Variants in TEN1 observed in about 807,000 individuals in gnomAD.
The protein encoded by TEN1 is TEN1 subunit of CST complex, also known as CST complex subunit TEN1.
A neutral mutation model predicts 9.3 loss-of-function variants in TEN1; 6 were observed. The ratio of observed to expected loss-of-function variants is 0.65; its 90% CI spans 0.35 to 1.27. TEN1 has a LOEUF of 1.27. Ranked by LOEUF, TEN1 falls within the 50% of genes most tolerant of loss-of-function variation. The pLI, the probability that TEN1 is intolerant of heterozygous loss-of-function variation, is 0.03. For synonymous variants in TEN1, 65 were observed against 65.6 expected (o/e 0.99, Z 0.04); for missense variants, 149 against 158.2 (o/e 0.94, Z 0.31).
chr17:75,986,089 C>A lies in TEN1; in HGVS notation c.-6-98C>A, dbSNP rs1354385553. ...AACACTGCCTACTGGAATTAGTCTTCAAGATGCTGTTGGTCTCATATATCT... is the reference window on the plus strand; with the variant it reads ...AACACTGCCTACTGGAATTAGTCTTAAAGATGCTGTTGGTCTCATATATCT... On this transcript the variant is annotated intron_variant, in intron 1 of 3. Coordinates refer to ENST00000397640, the MANE Select transcript of TEN1 (RefSeq NM_001113324.3). The A allele has an allele frequency of 1.1e-5, 11 of 967,404 alleles. No individual in the cohort carries two copies. The Admixed American group carries it at 2.3e-4, about 20-fold the overall frequency. 59.9% of individuals were successfully genotyped at this position (967,404 alleles called of 1,614,324 possible).
intron 2 of TEN1, 114 bp downstream of exon 2, chr17:75,986,398 A>C (rs2066152653): frequency 1.9e-6 from 2 of 1,057,542 alleles, no homozygotes; most frequent in Non-Finnish European, 2.6e-6. Context: ...AATTATGTTA[A>C]AATACTAAAA....
intron 3 of TEN1, among the ~76,000 whole-genome samples, chr17:75,994,441 A>AAAG (rs1387271650): frequency 1.3e-5 from 2 of 151,360 alleles, no homozygotes; most frequent in Admixed American, 6.6e-5. Flanking sequence ...TCTCAAAAAA[A>AAAG]AAAAAGAAAA....
intron 3 of TEN1, among the ~76,000 whole-genome samples, chr17:75,995,157 G>A (rs891380753): frequency 6.0e-5 from 9 of 150,954 alleles, no homozygotes; most frequent in Non-Finnish European, 7.4e-5. Flanking sequence ...GGAGTTCAAG[G>A]TTACAGTGAG....
At position 75,979,316 on chromosome 17, in the gene TEN1, GA is replaced by G. The variant is rs1327712794; in HGVS notation, c.-201del. The stretch of plus-strand genomic sequence containing the variant: ...CGTGGCTGGGGCCGGTCGCGGGGCA[GA>G]CTAATCCCCTGCTCCTGGCCAGGGG... On this transcript the variant is annotated 5_prime_UTR_variant, in exon 1 of 4. It removes the in-frame stop codon of an upstream open reading frame in the 5' UTR. Coordinates refer to ENST00000397640, the MANE Select transcript of TEN1 (RefSeq NM_001113324.3). 1 of 613,110 alleles carries G rather than the reference GA, an allele frequency of 1.6e-6. No individual in the cohort carries two copies. Among genetic ancestry groups the G allele is most frequent in the East Asian group, 2.8e-5 (1 of 35,644 alleles). The allele number at this position is 613,110 out of a possible 1,614,324, so 38.0% of individuals were successfully genotyped here.
In TEN1 at chr17:76,000,505, C is replaced by A; in HGVS notation, c.*243C>A. On this transcript the variant is annotated 3_prime_UTR_variant, in exon 4 of 4. Coordinates refer to ENST00000397640, the MANE Select transcript of TEN1 (RefSeq NM_001113324.3). The surrounding 1 kb of genome is among the most constrained non-coding windows in gnomAD (Gnocchi z 5.9). ...GAGACTGCAGGTGGCCGAGCTTGGG[C>A]GCCGGGGCCGTGCTTGGTGTGGGGC... The A allele has an allele frequency of 1.8e-6, 1 of 554,804 alleles. No individual in the cohort carries two copies. The highest frequency in any genetic ancestry group is 3.0e-6 in the Non-Finnish European group (1 of 333,796). 34.4% of individuals were successfully genotyped at this position (554,804 alleles called of 1,614,324 possible).
At chr17:75,985,969 C>T (rs540514823) in intron 1 of TEN1, among the ~76,000 whole-genome samples, 3 of 151,880 alleles carry the variant, frequency 2.0e-5, no homozygotes, top group East Asian at 3.9e-4. Context: ...ATACATGTGC[C>T]ATGTTGGTGT....
At chr17:75,988,441 AG>A (rs2066165097) in intron 2 of TEN1, among the ~76,000 whole-genome samples, 2 of 151,274 alleles carry the variant, frequency 1.3e-5, no homozygotes, top group African/African-American at 4.9e-5. Flanking sequence ...GTGCGCCTGT[AG>A]CCCCAGCTAC....
chr17:75,998,522 T>A (rs981977568), intron 3 of TEN1, among the ~76,000 whole-genome samples: 2 of 152,142 alleles, frequency 1.3e-5, no homozygotes, highest in African/African-American at 4.8e-5. Flanking sequence ...ATGTTTCAAA[T>A]GAGTTCATTG....
rs1262136645 is a variant in TEN1 at position 75,986,269 on chromosome 17, T to C, written c.77T>C (p.Leu26Pro). 42 of 1,547,968 alleles carry C rather than the reference T, an allele frequency of 2.7e-5. No homozygotes were observed. The highest frequency in any genetic ancestry group is 3.6e-5 in the Non-Finnish European group (41 of 1,145,236). The change falls in exon 2 of 4, where the codon CTG (leucine) becomes CCG (proline). Residue 26 changes from leucine (L) to proline (P), a missense_variant. Leu to Pro is a moderately conservative substitution (Grantham distance 98). Coordinates refer to ENST00000397640, the MANE Select transcript of TEN1 (RefSeq NM_001113324.3). ...SAGQVPDGST[L>P]RTFGRLCLYD... ...GGCCAAGTTCCTGATGGGAGCACGCTGAGAACATTTGGCAGGTGAGAACGG... is the reference window on the plus strand; with the variant it reads ...GGCCAAGTTCCTGATGGGAGCACGCCGAGAACATTTGGCAGGTGAGAACGG...
At chr17:75,990,671 A>C (rs56215866) in intron 2 of TEN1, among the ~76,000 whole-genome samples, 25 of 151,496 alleles carry the variant, frequency 1.7e-4, no homozygotes, top group Admixed American at 1.3e-3. Flanking sequence ...CTGTCTGTAC[A>C]AAAAATTAAA....
chr17:75,998,317 T>C (rs2144365972), intron 3 of TEN1, among the ~76,000 whole-genome samples: 1 of 151,720 alleles, frequency 6.6e-6, no homozygotes, highest in African/African-American at 2.4e-5. Flanking sequence ...GGGTAACTTT[T>C]GTATTTTTAG....
chr17:75,995,770 T>G (rs1267922687), intron 3 of TEN1, among the ~76,000 whole-genome samples: 1 of 152,176 alleles, frequency 6.6e-6, no homozygotes, highest in Non-Finnish European at 1.5e-5. Context: ...CTTCTGCTTT[T>G]CTCTCACTGC....
At chr17:75,991,682 G>GGGGCA in intron 3 of TEN1, 59 bp downstream of exon 3, 1 of 1,518,730 alleles carries the variant, frequency 6.6e-7, no homozygotes, top group Non-Finnish European at 8.8e-7. Flanking sequence ...GGCAGTCTTC[G>GGGGCA]GGGCAGTCAG....
intron 3 of TEN1, among the ~76,000 whole-genome samples, chr17:75,993,869 G>A (rs577913341): frequency 3.3e-5 from 5 of 152,224 alleles, no homozygotes; most frequent in South Asian, 2.1e-4. Flanking sequence ...GGTGGCACAC[G>A]CCTGTAGTCC....
At chr17:75,984,051 C>T (rs1055795280) in intron 1 of TEN1, among the ~76,000 whole-genome samples, 1 of 152,104 alleles carries the variant, frequency 6.6e-6, no homozygotes, top group Non-Finnish European at 1.5e-5. Context: ...ATTAGCTTTA[C>T]AAAGGTGGCT....
chr17:75,985,276 G>A (rs1467609096), intron 1 of TEN1, among the ~76,000 whole-genome samples: 4 of 152,076 alleles, frequency 2.6e-5, no homozygotes, highest in African/African-American at 7.2e-5. Context: ...CTCCTAAGTT[G>A]CTGGGACTAC....
intron 3 of TEN1, among the ~76,000 whole-genome samples, chr17:75,993,401 C>T (rs1298758312): frequency 1.3e-5 from 2 of 152,036 alleles, no homozygotes; most frequent in African/African-American, 4.8e-5. Context: ...CCGCGCCTGG[C>T]CTGGAAAGTT....
chr17:75,983,372 T>C (rs1192845509), intron 1 of TEN1, among the ~76,000 whole-genome samples: 1 of 152,102 alleles, frequency 6.6e-6, no homozygotes, highest in Admixed American at 6.6e-5. Flanking sequence ...CCCAGCATCC[T>C]CCCCACCTCT....
chr17:75,988,511 G>A (rs939838505), intron 2 of TEN1, among the ~76,000 whole-genome samples: 21 of 128,206 alleles, frequency 1.6e-4, no homozygotes, highest in African/African-American at 4.9e-4. Flanking sequence ...GCAGTGAGCC[G>A]AGACTGCACC....
Sources: allele counts gnomAD v4.1 joint callset (sites outside exome capture counted in the v4.1 genomes callset), GRCh38; gene constraint gnomAD v4.1.1; non-coding constraint Gnocchi (gnomAD v3.1); transcripts MANE v1.5; gene names NCBI Gene and HGNC (gene_info 2026-07-23, HGNC 2026-07-21).